SLC7A7: variants seen among roughly 807,000 people sequenced by gnomAD.
SLC7A7 encodes the protein solute carrier family 7 member 7.
A neutral mutation model predicts 47.9 loss-of-function variants in SLC7A7; 39 were observed. That is an observed-to-expected ratio of 0.81 (90% confidence interval 0.63 to 1.06). The LOEUF (loss-of-function observed/expected upper bound fraction) is 1.06, where lower values mean the gene tolerates loss of function less well. Among genes scored for constraint, SLC7A7 ranks in the 50% least tolerant of loss-of-function variants. The pLI is 0.00. For missense variants in SLC7A7, 588 were observed against 632.0 expected (o/e 0.93, Z 0.75); for synonymous variants, 234 against 242.8 (o/e 0.96, Z 0.34).
intron 2 of SLC7A7, among the ~76,000 whole-genome samples, chr14:22,804,147 A>G (rs564400588): frequency 7.9e-5 from 12 of 152,176 alleles, no homozygotes; most frequent in Non-Finnish European, 1.6e-4. Context: ...CTGCCTAGCC[A>G]TATGCAGAAA....
intron 1 of SLC7A7, 86 bp from the exon 2 acceptor site, chr14:22,813,526 G>A (rs1215479068): frequency 1.7e-6 from 2 of 1,198,248 alleles, no homozygotes; most frequent in Non-Finnish European, 2.4e-6. Flanking sequence ...GGTAATACGG[G>A]CAGCTCACCA....
intron 2 of SLC7A7, among the ~76,000 whole-genome samples, chr14:22,805,198 TCTA>T (rs1255222018): frequency 6.6e-6 from 1 of 152,074 alleles, no homozygotes; most frequent in Non-Finnish European, 1.5e-5. Context: ...AAACTCCATA[TCTA>T]CTAAAAATAC....
chr14:22,802,258 C>T (rs2039128087), intron 2 of SLC7A7, among the ~76,000 whole-genome samples: 2 of 152,066 alleles, frequency 1.3e-5, no homozygotes, highest in South Asian at 2.1e-4. Flanking sequence ...CAAAAATTAG[C>T]AGGGCGGGGT....
intron 2 of SLC7A7, among the ~76,000 whole-genome samples, chr14:22,784,498 G>A (rs1254146915): frequency 7.9e-5 from 12 of 151,918 alleles, no homozygotes; most frequent in South Asian, 6.2e-4. Flanking sequence ...TGTGCCTGTA[G>A]TCCCATCTAC....
At chr14:22,814,491 AAAAC>A (rs1162346888) in intron 1 of SLC7A7, among the ~76,000 whole-genome samples, 1 of 152,040 alleles carries the variant, frequency 6.6e-6, no homozygotes, top group Non-Finnish European at 1.5e-5. Context: ...TCTCAAAAAA[AAAAC>A]AAAATCAAAA....
chr14:22,784,841 G>C (rs998260580), intron 2 of SLC7A7, among the ~76,000 whole-genome samples: 25 of 152,102 alleles, frequency 1.6e-4, no homozygotes, highest in African/African-American at 5.6e-4. Context: ...GTTTAGTTTA[G>C]ACACCTAAAT....
intron 2 of SLC7A7, among the ~76,000 whole-genome samples, chr14:22,799,641 G>C (rs1418660571): frequency 6.6e-6 from 1 of 151,706 alleles, no homozygotes; most frequent in African/African-American, 2.4e-5. Flanking sequence ...TTTTAGTAGA[G>C]ACAGGGTTTC....
chr14:22,804,092 T>A (rs1388933537), intron 2 of SLC7A7, among the ~76,000 whole-genome samples: 1 of 152,144 alleles, frequency 6.6e-6, no homozygotes, highest in African/African-American at 2.4e-5. Flanking sequence ...TAGAAATTAC[T>A]CATGTGGGAA....
intron 2 of SLC7A7, among the ~76,000 whole-genome samples, chr14:22,806,299 G>A (rs113887805): frequency 0.17 from 24,277 of 143,028 alleles, 2,268 homozygotes; most frequent in East Asian, 0.44. Flanking sequence ...AGGTTCAAGC[G>A]ATTCTCCTGC....
chr14:22,806,187 CTTTTTTTTT>C (rs77783824), intron 2 of SLC7A7, among the ~76,000 whole-genome samples: 2 of 78,278 alleles, frequency 2.6e-5, no homozygotes, highest in Non-Finnish European at 4.7e-5. Context: ...ACATCAATCT[CTTTTTTTTT>C]TTTTTTTTTT....
intron 2 of SLC7A7, among the ~76,000 whole-genome samples, chr14:22,786,732 A>T (rs1239017219): frequency 6.6e-6 from 1 of 151,942 alleles, no homozygotes; most frequent in Non-Finnish European, 1.5e-5. Flanking sequence ...CCAGGAGTTC[A>T]AGACCAGCCT....
rs771215665 is a variant in SLC7A7, at chr14:22,775,444, A to G, written c.1095T>C (p.Asn365=). Reference sequence around the variant, plus strand: ...CAGTCTCATCCTTGAGTTCACTTACATTGAAGAGCAGAGAAGGCACTGGTG... The same window carrying G: ...CAGTCTCATCCTTGAGTTCACTTACGTTGAAGAGCAGAGAAGGCACTGGTG... ...RFTPVPSLLF[N]GIMALIYLCV... Residue 365 remains asparagine, a splice_region_variant and synonymous_variant, in exon 7 of 10, where the codon AAT becomes AAC. Coordinates refer to ENST00000674313, the MANE Select transcript of SLC7A7 (RefSeq NM_003982.4). The G allele has an allele frequency of 6.8e-6, 11 of 1,613,380 alleles. No individual in the cohort carries two copies. The highest frequency in any genetic ancestry group is 9.3e-6 in the Non-Finnish European group (11 of 1,179,328).
chr14:22,780,151 C>T (rs1018257254), intron 2 of SLC7A7, 100 bp from the exon 3 acceptor site: 38 of 1,530,082 alleles, frequency 2.5e-5, no homozygotes, highest in Non-Finnish European at 3.2e-5. Flanking sequence ...GATATATATA[C>T]CCTTCAGCCA....
chr14:22,794,189 T>C (rs1215731028), intron 2 of SLC7A7, among the ~76,000 whole-genome samples: 3 of 152,238 alleles, frequency 2.0e-5, no homozygotes, highest in African/African-American at 7.2e-5. Context: ...CTGTGTGAAT[T>C]ACTCATTATT....
At chr14:22,785,571 T>A (rs1030901440) in intron 2 of SLC7A7, among the ~76,000 whole-genome samples, 1 of 150,522 alleles carries the variant, frequency 6.6e-6, no homozygotes, top group Non-Finnish European at 1.5e-5. Flanking sequence ...CTACTAAAAA[T>A]ACAAAAATTG....
intron 2 of SLC7A7, among the ~76,000 whole-genome samples, chr14:22,805,335 A>T (rs970946103): frequency 2.0e-5 from 3 of 152,218 alleles, no homozygotes; most frequent in Non-Finnish European, 2.9e-5. Flanking sequence ...ACTGCATTCC[A>T]GCCTAGGTGA....
At position 22,779,972 on chromosome 14, in the gene SLC7A7, C is replaced by T; in HGVS notation, c.579G>A (p.Leu193=). The change falls in exon 3 of 10, where the codon TTG becomes TTA. Residue 193 remains leucine, a synonymous_variant. Coordinates refer to ENST00000674313, the MANE Select transcript of SLC7A7 (RefSeq NM_003982.4). ...VQDIFTYAKV[L]ALIAVIVAGI... ...CTGCAACGATGACCGCGATCAGTGC[C>T]AATACTTTAGCATAGGTGAAAATAT... The T allele has an allele frequency of 6.2e-7, 1 of 1,614,076 alleles. No individual in the cohort carries two copies. Among genetic ancestry groups the T allele is most frequent in the African/African-American group, 1.3e-5 (1 of 74,996 alleles).
chr14:22,788,479 C>T (rs1490335482), intron 2 of SLC7A7, among the ~76,000 whole-genome samples: 1 of 152,052 alleles, frequency 6.6e-6, no homozygotes, highest in Non-Finnish European at 1.5e-5. Context: ...CCAAGGCGGG[C>T]AGATCACAAA....
chr14:22,779,818 G>T, intron 3 of SLC7A7, 108 bp downstream of exon 3: 2 of 1,056,788 alleles, frequency 1.9e-6, no homozygotes, highest in Non-Finnish European at 1.4e-6. Flanking sequence ...AGTGCCCACC[G>T]AATAAGGTTA....
Sources: allele counts gnomAD v4.1 joint callset (sites outside exome capture counted in the v4.1 genomes callset), GRCh38; gene constraint gnomAD v4.1.1; transcripts MANE v1.5; gene names NCBI Gene and HGNC (gene_info 2026-07-23, HGNC 2026-07-21).